HSD17B12: variants seen among roughly 807,000 people sequenced by gnomAD.
The protein encoded by HSD17B12 is hydroxysteroid 17-beta dehydrogenase 12.
HSD17B12 carries 32 observed loss-of-function variants against 39.3 expected under a neutral mutation model. The ratio of observed to expected loss-of-function variants is 0.81; its 90% CI spans 0.61 to 1.09. HSD17B12 has a LOEUF of 1.09. Ranked by LOEUF, HSD17B12 falls within the 50% of genes least tolerant of loss-of-function variation. The pLI, the probability that HSD17B12 is intolerant of heterozygous loss-of-function variation, is 0.00. For synonymous variants in HSD17B12, 150 were observed against 146.7 expected (o/e 1.02, Z -0.16); for missense variants, 342 against 382.9 (o/e 0.89, Z 0.89).
chr11:43,680,802 A>G lies in HSD17B12; in HGVS notation c.-26A>G. ...CATTCACTCGCTCTTTTCATTCACG[A>G]AGGTAGTGAGGCCTAGTGGAAAGCC... On this transcript the variant is annotated 5_prime_UTR_variant, in exon 1 of 11. Transcript: ENST00000278353. 1 of 1,596,254 alleles carries G rather than the reference A, an allele frequency of 6.3e-7. No individual in the cohort carries two copies. The highest frequency in any genetic ancestry group is 1.1e-5 in the South Asian group (1 of 90,704).
chr11:43,753,195 A>T (rs1204809072), intron 2 of HSD17B12, among the ~76,000 whole-genome samples: 5 of 152,180 alleles, frequency 3.3e-5, no homozygotes, highest in Admixed American at 3.3e-4. Context: ...GTATGTACAC[A>T]GAAGGTGTTC....
intron 3 of HSD17B12, among the ~76,000 whole-genome samples, chr11:43,782,025 C>CT (rs752530343): frequency 3.9e-5 from 6 of 152,180 alleles, no homozygotes; most frequent in Non-Finnish European, 8.8e-5. Flanking sequence ...ATATGATCTA[C>CT]TTTTCAATAT....
chr11:43,616,303 G>T, the HSD17B12 span, among the ~76,000 whole-genome samples: 1 of 151,366 alleles, frequency 6.6e-6, no homozygotes, highest in African/African-American at 2.4e-5. Context: ...AGCTACTCTG[G>T]AGGCTAAGGC....
chr11:43,686,632 C>T (rs1185321807), intron 1 of HSD17B12, among the ~76,000 whole-genome samples: 3 of 142,906 alleles, frequency 2.1e-5, no homozygotes, highest in Non-Finnish European at 4.5e-5. Context: ...TCTTTCTGTG[C>T]AACACTAACT....
rs567979089 is a variant in HSD17B12, at chr11:43,831,050, G to T, written c.536+40G>T. On this transcript the variant is annotated intron_variant, in intron 7 of 10. Transcript: ENST00000278353. This position sits in a 1 kb window ranked among gnomAD's most constrained non-coding sequence, Gnocchi z 4.1. ...CACATACAAACACTGTGGAAGCAGA[G>T]CTCATGATTATTTAGAGGGAGAATC... is the stretch of plus-strand genomic sequence containing the variant. The T allele has an allele frequency of 3.7e-5, 58 of 1,566,458 alleles. No homozygotes were observed. In the South Asian group the frequency reaches 6.3e-4, roughly 17 times the overall value.
intron 2 of HSD17B12, among the ~76,000 whole-genome samples, chr11:43,751,556 G>A (rs942357355): frequency 6.6e-6 from 1 of 152,082 alleles, no homozygotes; most frequent in Non-Finnish European, 1.5e-5. Flanking sequence ...CTGGAACAGT[G>A]GGGTGATTCT....
chr11:43,733,906 G>C, intron 1 of HSD17B12: 1 of 687,028 alleles, frequency 1.5e-6, no homozygotes, highest in South Asian at 1.5e-5. Context: ...GGACATTGTA[G>C]TAGGGGAAGG....
intron 4 of HSD17B12, among the ~76,000 whole-genome samples, chr11:43,799,726 C>G (rs1950948163): frequency 6.6e-6 from 1 of 152,206 alleles, no homozygotes; most frequent in Non-Finnish European, 1.5e-5. Flanking sequence ...TCTAACATTT[C>G]TTTAGTCGTA....
In HSD17B12 at chr11:43,855,486, G is replaced by C. The variant is rs748676184; in HGVS notation, c.*238G>C. On this transcript the variant is annotated 3_prime_UTR_variant, in exon 11 of 11. Transcript: ENST00000278353. ...TAAATGCTCATATCAAATGAATATAGAACTAATATTGTCGGGAACACCTAA... is the reference window on the plus strand; with the variant it reads ...TAAATGCTCATATCAAATGAATATACAACTAATATTGTCGGGAACACCTAA... The C allele has an allele frequency of 2.7e-5, 7 of 255,608 alleles. No individual in the cohort carries two copies. The highest frequency in any genetic ancestry group is 5.4e-5 in the Admixed American group (1 of 18,476). The allele number at this position is 255,608 out of a possible 1,614,324, so 15.8% of individuals were successfully genotyped here.
chr11:43,569,185 C>T, the HSD17B12 span: 2 of 152,168 alleles, frequency 1.3e-5, no homozygotes, highest in African/African-American at 4.8e-5. Context: ...GTCTCTAAAT[C>T]TACACAGTGG....
the HSD17B12 span, among the ~76,000 whole-genome samples, chr11:43,579,872 T>A: frequency 6.6e-6 from 1 of 151,694 alleles, no homozygotes; most frequent in Non-Finnish European, 1.5e-5. Flanking sequence ...GGTGGGAGTG[T>A]GTGTGCGCGC....
At chr11:43,800,548 T>C (rs573465246) in intron 4 of HSD17B12, among the ~76,000 whole-genome samples, 2 of 152,270 alleles carry the variant, frequency 1.3e-5, no homozygotes, top group African/African-American at 2.4e-5. Flanking sequence ...CTGCCCCCTA[T>C]ATGGAAAGGC....
chr11:43,772,280 A>G (rs188713738), intron 3 of HSD17B12, among the ~76,000 whole-genome samples: 3 of 152,058 alleles, frequency 2.0e-5, no homozygotes, highest in Admixed American at 6.6e-5. Context: ...AAATCCCCCT[A>G]CTCCTGTTTT....
intron 1 of HSD17B12, among the ~76,000 whole-genome samples, chr11:43,699,474 T>C (rs1949942666): frequency 6.6e-6 from 1 of 152,208 alleles, no homozygotes; most frequent in Admixed American, 6.5e-5. Flanking sequence ...GGAAATATTT[T>C]CCAGAATATA....
At chr11:43,719,054 C>G in intron 1 of HSD17B12, 1 of 806,970 alleles carries the variant, frequency 1.2e-6, no homozygotes, top group Non-Finnish European at 2.2e-6. Flanking sequence ...GGTCAACACC[C>G]TGATTCAGCC....
intron 3 of HSD17B12, among the ~76,000 whole-genome samples, chr11:43,779,218 A>G (rs562252746): frequency 1.2e-3 from 184 of 152,288 alleles, no homozygotes; most frequent in African/African-American, 4.3e-3. Context: ...ATTAGTGGAG[A>G]GGACATGGTG....
intron 3 of HSD17B12, among the ~76,000 whole-genome samples, chr11:43,795,353 A>T (rs1950907134): frequency 6.6e-6 from 1 of 151,988 alleles, no homozygotes; most frequent in African/African-American, 2.4e-5. Context: ...AGCCTTCTAG[A>T]CCCCTCCATT....
intron 6 of HSD17B12, among the ~76,000 whole-genome samples, chr11:43,829,044 A>C (rs963521642): frequency 6.6e-6 from 1 of 152,222 alleles, no homozygotes; most frequent in Non-Finnish European, 1.5e-5. Context: ...TTTCAGGTTA[A>C]GTTTTCTCAG....
chr11:43,784,350 A>C (rs1037607836), intron 3 of HSD17B12, among the ~76,000 whole-genome samples: 23 of 142,378 alleles, frequency 1.6e-4, no homozygotes, highest in African/African-American at 6.0e-4. Context: ...TTATTATTTT[A>C]ACTGCCAGGG....
Sources: allele counts gnomAD v4.1 joint callset (sites outside exome capture counted in the v4.1 genomes callset), GRCh38; gene constraint gnomAD v4.1.1; non-coding constraint Gnocchi (gnomAD v3.1); transcripts MANE v1.5; gene names NCBI Gene and HGNC (gene_info 2026-07-23, HGNC 2026-07-21).